Variants in FBXL13 observed in about 807,000 individuals in gnomAD.
FBXL13 encodes the protein F-box and leucine rich repeat protein 13.
In FBXL13, 67 loss-of-function variants were observed where a neutral mutation model predicts 83.6. That is an observed-to-expected ratio of 0.80 (90% CI 0.66 to 0.98). The LOEUF is 0.98. FBXL13 is among the 50% of genes least tolerant of loss of function. The pLI is 0.00. For synonymous variants in FBXL13, 272 were observed against 299.5 expected, an observed-to-expected ratio of 0.91 and a Z score of 0.95; for missense variants, 822 against 866.5, an observed-to-expected ratio of 0.95 and a Z score of 0.64.
rs552047996 is a variant in FBXL13 at position 102,861,456 on chromosome 7, T to C, written c.1636-6596A>G. 2.2e-4 allele frequency among the ~76,000 whole-genome samples: 34 copies of C among 152,244 alleles called. No homozygotes were observed. The East Asian group carries it at 4.8e-3, about 22-fold the overall frequency. On this transcript the variant is annotated intron_variant, in intron 16 of 19. Coordinates refer to ENST00000313221, the Ensembl canonical transcript of FBXL13. ...ACTCCTGAATTATTATAGCATCCCA[T>C]TGGGAGGCACATATGTCCAGTTGTT... is the stretch of plus-strand genomic sequence containing the variant.
intron 17 of FBXL13, among the ~76,000 whole-genome samples, chr7:102,837,693 G>A (rs895735235): frequency 1.2e-4 from 18 of 152,080 alleles, no homozygotes; most frequent in African/African-American, 4.1e-4. Context: ...ATATGTGCAT[G>A]CTACCATGCC....
intron 10 of FBXL13, among the ~76,000 whole-genome samples, chr7:102,925,940 C>CAAAA (rs66682276): frequency 2.0e-5 from 2 of 101,024 alleles, no homozygotes; most frequent in Non-Finnish European, 2.1e-5. Flanking sequence ...GACTCTGTCT[C>CAAAA]AAAAAAAAAA....
intron 8 of FBXL13, among the ~76,000 whole-genome samples, chr7:102,954,937 A>AT (rs1189321758): frequency 6.6e-6 from 1 of 152,178 alleles, no homozygotes; most frequent in Non-Finnish European, 1.5e-5. Flanking sequence ...CCACACAATA[A>AT]TAAGGGGAGA....
At chr7:103,073,352 GTA>G (rs1280920799) in intron 1 of FBXL13, among the ~76,000 whole-genome samples, 1 of 152,130 alleles carries the variant, frequency 6.6e-6, no homozygotes, top group African/African-American at 2.4e-5. Flanking sequence ...GCCATGTGGT[GTA>G]TGCCTGTAGT....
intron 17 of FBXL13, among the ~76,000 whole-genome samples, chr7:102,836,069 G>A (rs1414828613): frequency 6.6e-6 from 1 of 152,160 alleles, no homozygotes; most frequent in Admixed American, 6.5e-5. Flanking sequence ...AAGGCTCTTC[G>A]TGTCTGAAAA....
At position 102,877,582 on chromosome 7, in the gene FBXL13, A is replaced by C; in HGVS notation, c.1520T>G (p.Leu507Ter). The change falls in exon 16 of 20, where the codon TTA (leucine) becomes TGA (stop). Residue 507 changes from leucine (L) to a stop codon, truncating the protein, a stop_gained. Coordinates refer to ENST00000313221, the Ensembl canonical transcript of FBXL13. LOFTEE classifies it high-confidence loss of function. ...ACAATTTCGTAAACTCAAGTAGTTT[A>C]AATTAGGGCAGCTAAAAGAAAGTAG... 2 of 1,607,152 alleles carry C rather than the reference A, an allele frequency of 1.2e-6. No homozygotes were observed. Among genetic ancestry groups the C allele is most frequent in the Non-Finnish European group, 1.7e-6 (2 of 1,178,250 alleles).
chr7:102,867,668 CATATATATATAT>C (rs200661242), intron 16 of FBXL13, among the ~76,000 whole-genome samples: 4 of 72,644 alleles, frequency 5.5e-5, no homozygotes, highest in African/African-American at 1.8e-4. Context: ...TAGACTTAGA[CATATATATATAT>C]ATATATATAT....
intron 1 of FBXL13, among the ~76,000 whole-genome samples, chr7:103,057,901 T>C (rs1797489527): frequency 6.6e-6 from 1 of 152,148 alleles, no homozygotes; most frequent in African/African-American, 2.4e-5. Context: ...AGTGTGCATG[T>C]TGGGGGTGGT....
intron 10 of FBXL13, among the ~76,000 whole-genome samples, chr7:102,914,263 G>A (rs1815373627): frequency 6.6e-6 from 1 of 152,192 alleles, no homozygotes; most frequent in East Asian, 1.9e-4. Flanking sequence ...AGTAGAGACA[G>A]GGTTTCACCA....
intron 9 of FBXL13, among the ~76,000 whole-genome samples, chr7:102,930,192 A>C (rs935819074): frequency 6.6e-6 from 1 of 152,120 alleles, no homozygotes; most frequent in African/African-American, 2.4e-5. Context: ...TGAGGCTGAG[A>C]GGTAGCAGGG....
intron 8 of FBXL13, among the ~76,000 whole-genome samples, chr7:102,939,844 T>A: frequency 6.6e-6 from 1 of 152,206 alleles, no homozygotes; most frequent in Non-Finnish European, 1.5e-5. Context: ...GTGTTATAGA[T>A]TTTTAAAGTA....
At chr7:102,909,067 C>T (rs1325967476) in intron 11 of FBXL13, among the ~76,000 whole-genome samples, 1 of 152,190 alleles carries the variant, frequency 6.6e-6, no homozygotes, top group Non-Finnish European at 1.5e-5. Flanking sequence ...TAGAAGTCTA[C>T]TTGGTGTTCT....
At chr7:102,952,140 T>A (rs1246476202) in intron 8 of FBXL13, among the ~76,000 whole-genome samples, 1 of 152,208 alleles carries the variant, frequency 6.6e-6, no homozygotes, top group East Asian at 1.9e-4. Context: ...CCTAGAGTCA[T>A]CAAATTCATA....
At chr7:102,956,773 T>C (rs1298305469) in intron 8 of FBXL13, among the ~76,000 whole-genome samples, 1 of 152,128 alleles carries the variant, frequency 6.6e-6, no homozygotes, top group African/African-American at 2.4e-5. Context: ...ATGAGTGAAT[T>C]CCCATTCACA....
chr7:102,986,041 G>T (rs1188359472), intron 6 of FBXL13, among the ~76,000 whole-genome samples: 1 of 150,498 alleles, frequency 6.6e-6, no homozygotes, highest in Non-Finnish European at 1.5e-5. Context: ...AATACATTTA[G>T]TAGGAGACAT....
At chr7:102,960,450 T>C (rs969954684) in intron 8 of FBXL13, among the ~76,000 whole-genome samples, 18 of 151,914 alleles carry the variant, frequency 1.2e-4, no homozygotes, top group African/African-American at 4.1e-4. Context: ...TTCCAATCAA[T>C]AGAAAAAGAG....
chr7:102,893,113 C>T (rs764380555), intron 11 of FBXL13, among the ~76,000 whole-genome samples: 2 of 152,172 alleles, frequency 1.3e-5, no homozygotes, highest in Non-Finnish European at 2.9e-5. Flanking sequence ...TTCCAATTAA[C>T]GTTTATTGAC....
In FBXL13 at chr7:103,033,029, C is replaced by G. The variant is rs7799848; in HGVS notation, c.1-3611G>C. On this transcript the variant is annotated intron_variant, in intron 2 of 19. Coordinates refer to ENST00000313221, the Ensembl canonical transcript of FBXL13. ...TGGGCAACAGAGTGAGACTCTCTCT[C>G]TCTGTCTGTCTGTCTCTGTCTCTCT... is the stretch of plus-strand genomic sequence containing the variant. 4.8e-3 allele frequency among the ~76,000 whole-genome samples: 735 copies of G among 152,200 alleles called. 6 individuals are homozygous for G. Among genetic ancestry groups the G allele is most frequent in the African/African-American group, 0.017 (691 of 41,512 alleles).
rs182013697 is a variant in FBXL13, at chr7:102,999,857, T to C, written c.495+25206A>G. On this transcript the variant is annotated intron_variant, in intron 6 of 19. Coordinates refer to ENST00000313221, the Ensembl canonical transcript of FBXL13. ...TTTTCAAAAAAACAACTTTTTATTG[T>C]GTTGATCATTTGCATTTTTTCAGTC... Among the ~76,000 whole-genome samples, 317 of 152,318 alleles carry C rather than the reference T, an allele frequency of 2.1e-3. 2 individuals are homozygous for C. The highest frequency in any genetic ancestry group is 1.9e-3 in the Non-Finnish European group (128 of 68,026).
Sources: allele counts gnomAD v4.1 joint callset (sites outside exome capture counted in the v4.1 genomes callset), GRCh38; gene constraint gnomAD v4.1.1; transcripts MANE v1.5; gene names NCBI Gene and HGNC (gene_info 2026-07-23, HGNC 2026-07-21).